Variants in CYYR1 observed in about 807,000 individuals in gnomAD.
CYYR1 encodes the protein cysteine and tyrosine-rich protein 1.
In CYYR1, 14 loss-of-function variants were observed where a neutral mutation model predicts 15.2. The observed-to-expected ratio is 0.92, with a 90% confidence interval of 0.61 to 1.44. The LOEUF is 1.44. CYYR1 is among the 40% of genes most tolerant of loss of function. The pLI, the probability that CYYR1 is intolerant of heterozygous loss-of-function variation, is 0.00. For missense variants in CYYR1, 228 were observed against 209.5 expected (o/e 1.09, Z -0.54); for synonymous variants, 80 against 77.4 (o/e 1.03, Z -0.18).
At chr21:26,498,587 A>G (rs1304653175) in intron 2 of CYYR1, among the ~76,000 whole-genome samples, 3 of 152,228 alleles carry the variant, frequency 2.0e-5, no homozygotes, top group African/African-American at 7.2e-5. Flanking sequence ...GAGCCATGCT[A>G]ACATGAAAAC....
intron 2 of CYYR1, 141 bp from the exon 3 acceptor site, chr21:26,480,570 T>TC (rs2065165357): frequency 2.2e-6 from 2 of 894,186 alleles, no homozygotes; most frequent in Non-Finnish European, 3.1e-6. Context: ...CTTTTCTTTT[T>TC]TTTTTTAAAA....
In CYYR1 at chr21:26,573,069, G is replaced by A; in HGVS notation, c.-129C>T. 6.4e-7 allele frequency: 1 copy of A among 1,555,928 alleles called. No homozygotes were observed. Among genetic ancestry groups the A allele is most frequent in the Non-Finnish European group, 8.7e-7 (1 of 1,153,532 alleles). ...CGGGTGGAGCAGAGACCCGGCCATT[G>A]CCTAGGGAGCCTTCCAAGGGAGCCC... On this transcript the variant is annotated 5_prime_UTR_variant, in exon 1 of 4. It introduces an in-frame stop codon into an upstream open reading frame of the 5' UTR. Transcript: ENST00000652641.
chr21:26,494,807 T>C (rs2065372546), intron 2 of CYYR1, among the ~76,000 whole-genome samples: 1 of 53,876 alleles, frequency 1.9e-5, no homozygotes, highest in African/African-American at 4.8e-5. Flanking sequence ...TACTATAATG[T>C]GTTTGAATGT....
At chr21:26,550,300 T>G (rs1979294477) in intron 2 of CYYR1, 2 of 152,152 alleles carry the variant, frequency 1.3e-5, no homozygotes, top group Non-Finnish European at 2.9e-5. Flanking sequence ...CTGTTCCCAA[T>G]CTTTCTCTCT....
intron 2 of CYYR1, among the ~76,000 whole-genome samples, chr21:26,537,559 GCA>G (rs551875746): frequency 2.1e-4 from 32 of 152,276 alleles, no homozygotes; most frequent in African/African-American, 7.5e-4. Flanking sequence ...ACAGAGAAGA[GCA>G]CACGCCAAAT....
At chr21:26,480,735 A>G (rs1204950285) in intron 2 of CYYR1, among the ~76,000 whole-genome samples, 1 of 152,132 alleles carries the variant, frequency 6.6e-6, no homozygotes, top group East Asian at 1.9e-4. Context: ...TTCTCTAGAT[A>G]TGCTCTCCAA....
At position 26,480,277 on chromosome 21, in the gene CYYR1, TAGG is replaced by T. The variant is rs762246027; in HGVS notation, c.326_328del (p.Ser109del). Reference sequence around the variant, plus strand: ...GAGTCAACAGTTTTGCTCACCAGGATAGGAGGAGACGGTGTTGATGTGAGTCGT... The same window carrying T: ...GAGTCAACAGTTTTGCTCACCAGGATAGGAGACGGTGTTGATGTGAGTCGT... On this transcript the variant is annotated inframe_deletion, in exon 3 of 4. Coordinates refer to ENST00000652641, the MANE Select transcript of CYYR1 (RefSeq NM_001320768.2). 2.7e-5 allele frequency: 43 copies of T among 1,609,796 alleles called. No homozygotes were observed. The South Asian group carries it at 4.3e-4, about 16-fold the overall frequency.
At chr21:26,473,273 AC>A (rs2065058949) in intron 3 of CYYR1, among the ~76,000 whole-genome samples, 1 of 151,774 alleles carries the variant, frequency 6.6e-6, no homozygotes, top group Non-Finnish European at 1.5e-5. Context: ...ATTTTCCTTA[AC>A]CCCACCCAGA....
intron 2 of CYYR1, among the ~76,000 whole-genome samples, chr21:26,546,403 C>T (rs559245065): frequency 6.6e-6 from 1 of 152,294 alleles, no homozygotes; most frequent in South Asian, 2.1e-4. Context: ...TTCATGTTGG[C>T]ATCTGATCTT....
chr21:26,569,252 C>A (rs1359437383), intron 1 of CYYR1: 2 of 150,608 alleles, frequency 1.3e-5, no homozygotes, highest in African/African-American at 2.4e-5. Flanking sequence ...ACTATGCAGC[C>A]AGAAAAAAAA....
At chr21:26,469,078 A>AT (rs2065003190) in intron 3 of CYYR1, among the ~76,000 whole-genome samples, 1 of 152,158 alleles carries the variant, frequency 6.6e-6, no homozygotes, top group African/African-American at 2.4e-5. Flanking sequence ...GGTAGTGAAT[A>AT]TGCTTTGAGA....
chr21:26,478,579 G>A (rs1219731659), intron 3 of CYYR1, among the ~76,000 whole-genome samples: 1 of 152,112 alleles, frequency 6.6e-6, no homozygotes, highest in Non-Finnish European at 1.5e-5. Context: ...ACGCTTTAAT[G>A]CCTCCTCTGC....
intron 2 of CYYR1, among the ~76,000 whole-genome samples, chr21:26,531,333 C>G (rs1417092525): frequency 6.6e-6 from 1 of 152,058 alleles, no homozygotes; most frequent in Non-Finnish European, 1.5e-5. Flanking sequence ...AAAATAATGT[C>G]TATGTCATGT....
At chr21:26,543,811 C>T (rs775694969) in intron 2 of CYYR1, among the ~76,000 whole-genome samples, 3 of 152,044 alleles carry the variant, frequency 2.0e-5, no homozygotes, top group Non-Finnish European at 4.4e-5. Context: ...GAGGCTGAGG[C>T]AGGAGAATTG....
intron 2 of CYYR1, among the ~76,000 whole-genome samples, chr21:26,532,031 G>T (rs1418058325): frequency 2.6e-5 from 4 of 152,062 alleles, no homozygotes; most frequent in Non-Finnish European, 5.9e-5. Context: ...TGACTTTGAA[G>T]GATTCTGTAA....
intron 2 of CYYR1, among the ~76,000 whole-genome samples, chr21:26,507,549 C>T (rs2065585376): frequency 6.6e-6 from 1 of 152,186 alleles, no homozygotes; most frequent in African/African-American, 2.4e-5. Flanking sequence ...CCTTTATACT[C>T]ATAGCATCTG....
At chr21:26,473,604 C>T (rs142607415) in intron 3 of CYYR1, among the ~76,000 whole-genome samples, 96 of 152,200 alleles carry the variant, frequency 6.3e-4, no homozygotes, top group East Asian at 1.5e-3. Context: ...AGTCTGTCAC[C>T]GCACCCTCTT....
intron 2 of CYYR1, among the ~76,000 whole-genome samples, chr21:26,507,305 A>G (rs1289773328): frequency 6.6e-6 from 1 of 152,248 alleles, no homozygotes; most frequent in Non-Finnish European, 1.5e-5. Context: ...GTCCCATCTC[A>G]GAACATATGC....
At chr21:26,503,066 T>C (rs2065503851) in intron 2 of CYYR1, among the ~76,000 whole-genome samples, 1 of 152,158 alleles carries the variant, frequency 6.6e-6, no homozygotes, top group Non-Finnish European at 1.5e-5. Context: ...CTTAATGTTA[T>C]CATTTCTTTT....
Sources: gnomAD v4.1 joint callset for allele counts (sites outside exome capture counted in the v4.1 genomes callset) on GRCh38, gnomAD v4.1.1 for gene constraint, MANE v1.5 for transcripts, NCBI Gene and HGNC (gene_info 2026-07-23, HGNC 2026-07-21) for gene names.